Variants in ENTPD5 observed in about 807,000 individuals in gnomAD.
The protein encoded by ENTPD5 is nucleoside diphosphate phosphatase ENTPD5.
A neutral mutation model predicts 60.2 loss-of-function variants in ENTPD5; 49 were observed. The ratio of observed to expected loss-of-function variants is 0.81; its 90% CI spans 0.65 to 1.03. The LOEUF is 1.03. Among genes scored for constraint, ENTPD5 ranks in the 50% least tolerant of loss-of-function variants. The probability of loss-of-function intolerance (pLI) is 0.00; values close to 1 mark genes in which losing one functional copy is unlikely to be tolerated. For synonymous variants in ENTPD5, 187 were observed against 185.4 expected (o/e 1.01, Z -0.07); for missense variants, 480 against 507.6 (o/e 0.95, Z 0.52).
At chr14:74,014,381 C>CT (rs1491443325) in intron 2 of ENTPD5, among the ~76,000 whole-genome samples, 4 of 105,564 alleles carry the variant, frequency 3.8e-5, no homozygotes, top group Admixed American at 1.8e-4. Context: ...AGTCTTTACT[C>CT]CCCCCCCCCA....
chr14:74,007,220 CTT>C (rs1166879401), intron 3 of ENTPD5, among the ~76,000 whole-genome samples: 1 of 151,996 alleles, frequency 6.6e-6, no homozygotes, highest in Non-Finnish European at 1.5e-5. Context: ...GATCCTGTCT[CTT>C]AGAAAAAAAT....
downstream of ENTPD5, chr14:73,956,266 T>G: frequency 3.2e-6 from 1 of 312,064 alleles, no homozygotes. Context: ...AGGTGGAGCT[T>G]GCAGTGAGCC....
intron 3 of ENTPD5, among the ~76,000 whole-genome samples, chr14:73,994,387 A>C (rs1012993883): frequency 6.6e-6 from 1 of 150,986 alleles, no homozygotes; most frequent in Non-Finnish European, 1.5e-5. Context: ...TCAGCCTCCC[A>C]AAGTCCTGGG....
At chr14:74,001,936 G>A (rs901395436) in intron 3 of ENTPD5, among the ~76,000 whole-genome samples, 11 of 152,058 alleles carry the variant, frequency 7.2e-5, no homozygotes, top group African/African-American at 2.7e-4. Context: ...AGTGAAAGAG[G>A]ATATAGAAGA....
intron 12 of ENTPD5, 97 bp from the exon 13 acceptor site, chr14:73,973,121 G>A: frequency 7.1e-7 from 1 of 1,410,130 alleles, no homozygotes; most frequent in Non-Finnish European, 9.7e-7. Flanking sequence ...GGGAACAGCA[G>A]GAAGGTCAAG....
At chr14:74,012,984 CTT>C (rs1285755018) in intron 2 of ENTPD5, among the ~76,000 whole-genome samples, 2 of 152,150 alleles carry the variant, frequency 1.3e-5, no homozygotes. Context: ...CCCAGCCTAC[CTT>C]TTTAGAGTGT....
intron 3 of ENTPD5, among the ~76,000 whole-genome samples, chr14:73,992,488 C>T (rs1224874822): frequency 6.6e-6 from 1 of 151,776 alleles, no homozygotes; most frequent in Non-Finnish European, 1.5e-5. Context: ...AGTTTGAGAC[C>T]AGCCTGGCCA....
At chr14:73,973,751 A>G (rs1393652781) in intron 12 of ENTPD5, 126 bp downstream of exon 12, 3 of 757,344 alleles carry the variant, frequency 4.0e-6, no homozygotes, top group Non-Finnish European at 6.6e-6. Flanking sequence ...AGGCATGCCA[A>G]GATCTTTGGA....
At position 73,986,907 on chromosome 14, in the gene ENTPD5, G is replaced by T; in HGVS notation, c.218-14C>A. The T allele has an allele frequency of 6.2e-7, 1 of 1,605,754 alleles. No homozygotes were observed. Among genetic ancestry groups the T allele is most frequent in the Non-Finnish European group, 8.5e-7 (1 of 1,172,422 alleles). On this transcript the variant is annotated splice_polypyrimidine_tract_variant and intron_variant, in intron 4 of 15. Coordinates refer to ENST00000334696, the MANE Select transcript of ENTPD5 (RefSeq NM_001249.5). ...TTGGAAGCTGTCCTATTTTGTCCAT[G>T]GAACAAAACAGAAGAGAGAGCTGGT... is the stretch of plus-strand genomic sequence containing the variant.
rs763876818 is a variant in ENTPD5 at position 73,972,985 on chromosome 14, C to T, written c.926G>A (p.Arg309Lys). 1.9e-5 allele frequency: 30 copies of T among 1,614,132 alleles called. No homozygotes were observed. In the Admixed American group the frequency reaches 4.3e-4, roughly 23 times the overall value. Reference protein sequence around the residue: ...GFEPCYAEVLRVVRGKLHQPE... With the variant: ...GFEPCYAEVLKVVRGKLHQPE... ...CTGGTGAAGTTTTCCTCGTACCACC[C>T]TCAGCACTTCGGCATAGCAGGGCTC... Residue 309 changes from arginine to lysine, a missense_variant, in exon 13 of 16, where the codon AGG becomes AAG. By Grantham distance (26) the Arg-to-Lys change is conservative. Transcript: ENST00000334696.
intron 2 of ENTPD5, among the ~76,000 whole-genome samples, chr14:74,011,633 C>G (rs1227007463): frequency 1.3e-5 from 2 of 152,030 alleles, no homozygotes; most frequent in African/African-American, 2.4e-5. Context: ...TCCATCTCTA[C>G]AAAATATAAA....
At position 73,963,447 on chromosome 14, in the gene ENTPD5, A is replaced by G. The variant is rs764255836; in HGVS notation, c.*3481T>C. On this transcript the variant is annotated 3_prime_UTR_variant, in exon 16 of 16. Transcript: ENST00000334696. The stretch of plus-strand genomic sequence containing the variant: ...GTTAACATCAGAATGCAAATTAAAT[A>G]TAAATTGCTTTAACCTTTGTTACAG... 4.5e-6 allele frequency: 1 copy of G among 220,094 alleles called. No homozygotes were observed. Among genetic ancestry groups the G allele is most frequent in the Non-Finnish European group, 8.9e-6 (1 of 112,626 alleles). 13.6% of individuals were successfully genotyped at this position (220,094 alleles called of 1,614,324 possible).
chr14:73,976,562 A>T (rs2057453641), intron 8 of ENTPD5, 150 bp from the exon 9 acceptor site: 1 of 601,272 alleles, frequency 1.7e-6, no homozygotes, highest in Admixed American at 3.2e-5. Context: ...ACTCGGAAGG[A>T]CTCTTGTTGC....
Position 73,966,628 on chromosome 14 carries a change from A to C in ENTPD5, c.*300T>G. On this transcript the variant is annotated 3_prime_UTR_variant, in exon 16 of 16. Transcript: ENST00000334696. Reference sequence around the variant, plus strand: ...ATTTAAATATTCAGTGGAATGAGGCACTCAAAGGGTTGAAATGCGATTTTT... The same window carrying C: ...ATTTAAATATTCAGTGGAATGAGGCCCTCAAAGGGTTGAAATGCGATTTTT... 3.4e-6 allele frequency: 1 copy of C among 297,016 alleles called. No individual in the cohort carries two copies. The highest frequency in any genetic ancestry group is 6.6e-5 in the East Asian group (1 of 15,092). The allele number at this position is 297,016 out of a possible 1,614,324, so 18.4% of individuals were successfully genotyped here. A position where few individuals can be genotyped will look rare whatever the true frequency, so the allele number is the denominator to read the frequency against.
intron 3 of ENTPD5, among the ~76,000 whole-genome samples, chr14:73,990,269 T>TC (rs1428671843): frequency 2.6e-5 from 4 of 152,120 alleles, no homozygotes; most frequent in African/African-American, 9.7e-5. Flanking sequence ...GAGTCTAATT[T>TC]CTTCTTTCCA....
chr14:73,980,378 C>T (rs762540528), intron 6 of ENTPD5, among the ~76,000 whole-genome samples: 9 of 151,776 alleles, frequency 5.9e-5, no homozygotes, highest in Non-Finnish European at 7.4e-5. Context: ...AATTCTCCTG[C>T]CTTAGCCTCC....
downstream of ENTPD5, chr14:73,963,100 CTTTACA>C (rs2056830396): frequency 1.0e-6 from 1 of 1,003,926 alleles, no homozygotes; most frequent in Admixed American, 1.7e-5. Context: ...AATAAACTTA[CTTTACA>C]TTAAAATTCT....
downstream of ENTPD5, chr14:73,958,096 C>T (rs779959751): frequency 1.0e-5 from 15 of 1,461,418 alleles, no homozygotes; most frequent in Middle Eastern, 6.9e-4. Context: ...TTTTCCTCAG[C>T]CTATGTGGCC....
chr14:73,961,349 C>T (rs756020385), downstream of ENTPD5: 63 of 1,614,098 alleles, frequency 3.9e-5, no homozygotes, highest in African/African-American at 3.2e-4. Flanking sequence ...CTGCTGAGTA[C>T]GTCAGGCCTC....
Sources: gnomAD v4.1 joint callset for allele counts (sites outside exome capture counted in the v4.1 genomes callset) on GRCh38, gnomAD v4.1.1 for gene constraint, MANE v1.5 for transcripts, NCBI Gene and HGNC (gene_info 2026-07-23, HGNC 2026-07-21) for gene names.